The following EXOC3L4 variants were observed in gnomAD, a reference collection of about 807,000 sequenced individuals.
The protein encoded by EXOC3L4 is exocyst complex component 3 like 4, also known as exocyst complex component 3-like protein 4.
EXOC3L4 carries 62 observed loss-of-function variants against 69.7 expected under a neutral mutation model. The observed-to-expected ratio is 0.89, with a 90% confidence interval of 0.72 to 1.10. The LOEUF (loss-of-function observed/expected upper bound fraction) is 1.10. EXOC3L4 is among the 50% of genes least tolerant of loss of function. The pLI is 0.00. For missense variants in EXOC3L4, 1,087 were observed against 1,034.8 expected, an observed-to-expected ratio of 1.05 and a Z score of -0.69; for synonymous variants, 502 against 464.2, an observed-to-expected ratio of 1.08 and a Z score of -1.05.
chr14:103,100,833 TC>T (rs1346468162), intron 2 of EXOC3L4, among the ~76,000 whole-genome samples: 3 of 151,826 alleles, frequency 2.0e-5, no homozygotes, highest in African/African-American at 7.3e-5. Flanking sequence ...CCTCCTGGGC[TC>T]AAGCGATCCT....
chr14:103,107,545 T>C lies in EXOC3L4; in HGVS notation c.1701+2T>C. The C allele has an allele frequency of 6.2e-7, 1 of 1,613,458 alleles. No individual in the cohort carries two copies. Among genetic ancestry groups the C allele is most frequent in the South Asian group, 1.1e-5 (1 of 91,066 alleles). ...CGTGTGGCCCGGCCGCGGGCACAGGTACCACAAGGGGGAGGGCCCTGGCAG... is the reference window on the plus strand; with the variant it reads ...CGTGTGGCCCGGCCGCGGGCACAGGCACCACAAGGGGGAGGGCCCTGGCAG... On this transcript the variant is annotated splice_donor_variant, in intron 9 of 11. Coordinates refer to ENST00000688303, the MANE Select transcript of EXOC3L4 (RefSeq NM_001077594.2). LOFTEE classifies it high-confidence loss of function.
At position 103,102,150 on chromosome 14, in the gene EXOC3L4, C is replaced by T. The variant is rs1295594403; in HGVS notation, c.427C>T (p.Arg143Trp). 6 of 1,606,130 alleles carry T rather than the reference C, an allele frequency of 3.7e-6. No individual in the cohort carries two copies. Among genetic ancestry groups the T allele is most frequent in the East Asian group, 2.3e-5 (1 of 44,320 alleles). ...ATCCGTGGCCGACCTCATTACTGAA[C>T]GGCAACTGCTGGCGGCCTTCGAACA... ...GKSVADLITERQLLAAFEQLL... is the reference protein window; with the variant it reads ...GKSVADLITEWQLLAAFEQLL... Residue 143 changes from arginine (R) to tryptophan (W), a missense_variant, in exon 3 of 12, where the codon CGG becomes TGG. Transcript: ENST00000688303.
At chr14:103,099,648 G>A (rs1399978200) in intron 1 of EXOC3L4, among the ~76,000 whole-genome samples, 1 of 152,246 alleles carries the variant, frequency 6.6e-6, no homozygotes, top group African/African-American at 2.4e-5. Flanking sequence ...CCCAGGGAAG[G>A]GGGTGGGCTC....
At chr14:103,106,681 T>A (rs1424617693) in intron 7 of EXOC3L4, 104 bp from the exon 8 acceptor site, 7 of 660,496 alleles carry the variant, frequency 1.1e-5, no homozygotes, top group Non-Finnish European at 1.5e-5. Context: ...CCCCACGGGC[T>A]GCCCTTCACA....
Position 103,102,410 on chromosome 14 carries a change from C to G in EXOC3L4, c.687C>G (p.Pro229=), listed in dbSNP as rs10142287. ...AGGAGGAAGCCCACCCTTCTCCCCCCGACGACGGCGACTTCCTGCGCACGC... is the reference window on the plus strand; with the variant it reads ...AGGAGGAAGCCCACCCTTCTCCCCCGGACGACGGCGACTTCCTGCGCACGC... The part of the protein sequence containing the change: ...SAEEEAHPSP[P]DDGDFLRTPR... Residue 229 remains proline (P), a synonymous_variant, in exon 3 of 12, where the codon CCC becomes CCG. Coordinates refer to ENST00000688303, the MANE Select transcript of EXOC3L4 (RefSeq NM_001077594.2). The G allele has an allele frequency of 5.5e-3, 8,468 of 1,532,906 alleles. 353 individuals are homozygous for G. In the African/African-American group the frequency reaches 0.099, roughly 18 times the overall value. The allele number at this position is 1,532,906 out of a possible 1,614,324, so 95.0% of individuals were successfully genotyped here.
chr14:103,110,451 A>T lies in EXOC3L4; in HGVS notation c.*228A>T. 2 of 623,074 alleles carry T rather than the reference A, an allele frequency of 3.2e-6. No individual in the cohort carries two copies. Among genetic ancestry groups the T allele is most frequent in the Admixed American group, 2.3e-5 (1 of 43,994 alleles). 38.6% of individuals were successfully genotyped at this position (623,074 alleles called of 1,614,324 possible). ...GTGTTTTGGGGCCGCAGAGCTCTCA[A>T]TGCTGCCTATCGGGCGGGGGGGGGC... On this transcript the variant is annotated 3_prime_UTR_variant, in exon 12 of 12. Coordinates refer to ENST00000688303, the MANE Select transcript of EXOC3L4 (RefSeq NM_001077594.2).
chr14:103,104,342 G>A lies in EXOC3L4; in HGVS notation c.1237G>A (p.Val413Met), dbSNP rs1437549326. 2.5e-6 allele frequency: 4 copies of A among 1,591,588 alleles called. No homozygotes were observed. Among genetic ancestry groups the A allele is most frequent in the Non-Finnish European group, 3.4e-6 (4 of 1,170,506 alleles). Residue 413 changes from valine (V) to methionine (M), a missense_variant, in exon 5 of 12, where the codon GTG (valine) becomes ATG (methionine). By Grantham distance (21) the Val-to-Met change is conservative. Coordinates refer to ENST00000688303, the MANE Select transcript of EXOC3L4 (RefSeq NM_001077594.2). The stretch of plus-strand genomic sequence containing the variant: ...CTGGGCGGCCGCCGAGGTCCCCGAG[G>A]TGCTGCAGGGCCTCTACCAGGCGCC... The part of the protein sequence containing the change: ...SHWAAAEVPE[V>M]LQGLYQAPLS...
chr14:103,100,874 T>TA (rs760429636), intron 2 of EXOC3L4, among the ~76,000 whole-genome samples: 3 of 151,232 alleles, frequency 2.0e-5, no homozygotes, highest in Non-Finnish European at 4.4e-5. Flanking sequence ...TAGCTGGGAC[T>TA]ACAGGTGTAA....
At chr14:103,096,412 TGCAATTGTAAGA>T (rs1889889753) in intron 1 of EXOC3L4, among the ~76,000 whole-genome samples, 1 of 151,242 alleles carries the variant, frequency 6.6e-6, no homozygotes, top group African/African-American at 2.4e-5. Context: ...TTTTTTTTTT[TGCAATTGTAAGA>T]TTTAGTAGAG....
chr14:103,104,866 G>T, intron 6 of EXOC3L4, 28 bp downstream of exon 6: 1 of 1,519,764 alleles, frequency 6.6e-7, no homozygotes. Context: ...GTAGGGGAGC[G>T]ACCTGGCCGG....
intron 1 of EXOC3L4, among the ~76,000 whole-genome samples, chr14:103,099,179 G>C (rs561657324): frequency 6.6e-6 from 1 of 152,146 alleles, no homozygotes; most frequent in Non-Finnish European, 1.5e-5. Context: ...AGAGGAAAGT[G>C]AGGTTTTGCT....
In EXOC3L4 at chr14:103,104,842, C is replaced by CG. The variant is rs1890443803; in HGVS notation, c.1385+6dup. On this transcript the variant is annotated splice_donor_region_variant and intron_variant, in intron 6 of 11. Coordinates refer to ENST00000688303, the MANE Select transcript of EXOC3L4 (RefSeq NM_001077594.2). ...CGCTCGGCCTCTTCGTGCCCAGGTG[C>CG]GGACGCATCCTCAGTAGGGGAGCGA... 6.6e-7 allele frequency: 1 copy of CG among 1,505,630 alleles called. No individual in the cohort carries two copies. The highest frequency in any genetic ancestry group is 1.3e-5 in the South Asian group (1 of 79,410). The allele number at this position is 1,505,630 out of a possible 1,614,324, so 93.3% of individuals were successfully genotyped here.
intron 2 of EXOC3L4, among the ~76,000 whole-genome samples, chr14:103,100,894 C>A (rs1890151099): frequency 6.8e-6 from 1 of 146,202 alleles, no homozygotes; most frequent in South Asian, 2.2e-4. Flanking sequence ...AGCCACTGCA[C>A]CCGGCTAATT....
rs887464370 is a variant in EXOC3L4 at position 103,110,482 on chromosome 14, G to C, written c.*259G>C. On this transcript the variant is annotated 3_prime_UTR_variant, in exon 12 of 12. Coordinates refer to ENST00000688303, the MANE Select transcript of EXOC3L4 (RefSeq NM_001077594.2). ...CCTATCGGGCGGGGGGGGGCCTCCCGCCCGACTGTCCAGCTTCACCCTCCA... is the reference window on the plus strand; with the variant it reads ...CCTATCGGGCGGGGGGGGGCCTCCCCCCCGACTGTCCAGCTTCACCCTCCA... 1.6e-6 allele frequency: 1 copy of C among 614,314 alleles called. No individual in the cohort carries two copies. The highest frequency in any genetic ancestry group is 3.0e-6 in the Non-Finnish European group (1 of 337,636). 38.1% of individuals were successfully genotyped at this position (614,314 alleles called of 1,614,324 possible).
intron 11 of EXOC3L4, among the ~76,000 whole-genome samples, chr14:103,108,731 C>A (rs1320691792): frequency 1.3e-5 from 2 of 152,106 alleles, no homozygotes; most frequent in East Asian, 3.9e-4. Context: ...ATCAGCCCCA[C>A]CAGGGGTGGG....
rs1187084926 is a variant in EXOC3L4, at chr14:103,102,820, T to C, written c.1049+48T>C. ...AGTGGCGAGGACAGCTGCCGCTTCCTCCGCAGGCCTTGGGGAGCCGGCTTT... is the reference window on the plus strand; with the variant it reads ...AGTGGCGAGGACAGCTGCCGCTTCCCCCGCAGGCCTTGGGGAGCCGGCTTT... On this transcript the variant is annotated intron_variant, in intron 3 of 11. Transcript: ENST00000688303. 6.1e-6 allele frequency: 8 copies of C among 1,306,858 alleles called. No individual in the cohort carries two copies. The South Asian group carries it at 1.8e-4, about 29-fold the overall frequency. 81.0% of individuals were successfully genotyped at this position (1,306,858 alleles called of 1,614,324 possible). A position where few individuals can be genotyped will look rare whatever the true frequency, so the allele number is the denominator to read the frequency against.
At chr14:103,105,393 G>A (rs1890490204) in intron 7 of EXOC3L4, among the ~76,000 whole-genome samples, 1 of 151,318 alleles carries the variant, frequency 6.6e-6, no homozygotes, top group South Asian at 2.1e-4. Context: ...TTGGAGCTAA[G>A]AGGTGTTTAT....
chr14:103,095,471 CAATGAGTTGACA>C (rs887289112), intron 1 of EXOC3L4, among the ~76,000 whole-genome samples: 117 of 152,264 alleles, frequency 7.7e-4, no homozygotes, highest in African/African-American at 2.7e-3. Flanking sequence ...GCTGAGCCTT[CAATGAGTTGACA>C]ACTGAAGAAG....
intron 7 of EXOC3L4, among the ~76,000 whole-genome samples, chr14:103,105,358 C>CTGTGTGTGTGTG (rs56105443): frequency 7.1e-6 from 1 of 141,590 alleles, no homozygotes; most frequent in South Asian, 2.3e-4. Flanking sequence ...GAGCTGAGGG[C>CTGTGTGTGTGTG]TGTGTGTGTG....
Sources: allele counts gnomAD v4.1 joint callset (sites outside exome capture counted in the v4.1 genomes callset), GRCh38; gene constraint gnomAD v4.1.1; transcripts MANE v1.5; gene names NCBI Gene and HGNC (gene_info 2026-07-23, HGNC 2026-07-21).